Variants in SDR42E2 observed in about 807,000 individuals in gnomAD.
SDR42E2 encodes the protein short chain dehydrogenase/reductase family 42E, member 2.
SDR42E2 carries 20 observed loss-of-function variants against 10.5 expected under a neutral mutation model. That is an observed-to-expected ratio of 1.90 (90% CI 1.34 to 2.77). The LOEUF is 2.77. SDR42E2 is among the 30% of genes most tolerant of loss of function. SDR42E2 has a pLI of 0.00. For missense variants in SDR42E2, 162 were observed against 104.2 expected (o/e 1.55, Z -2.42); for synonymous variants, 72 against 39.2 (o/e 1.84, Z -3.12).
At chr16:22,164,321 G>T (rs1010771475) in intron 1 of SDR42E2, among the ~76,000 whole-genome samples, 1 of 152,176 alleles carries the variant, frequency 6.6e-6, no homozygotes, top group African/African-American at 2.4e-5. Flanking sequence ...CACTTTGGGA[G>T]GCTGAGGTGG....
At position 22,170,943 on chromosome 16, in the gene SDR42E2, T is replaced by A; in HGVS notation, c.505T>A (p.Leu169Met). 1 of 703,012 alleles carries A rather than the reference T, an allele frequency of 1.4e-6. No individual in the cohort carries two copies. The highest frequency in any genetic ancestry group is 1.5e-5 in the South Asian group (1 of 67,604). 43.5% of individuals were successfully genotyped at this position (703,012 alleles called of 1,614,324 possible). A position where few individuals can be genotyped will look rare whatever the true frequency, so the allele number is the denominator to read the frequency against. The change falls in exon 6 of 13, where the codon TTG becomes ATG. Residue 169 changes from leucine to methionine, a missense_variant. Coordinates refer to ENST00000602312, the MANE Select transcript of SDR42E2 (RefSeq NM_001394319.2). Reference sequence around the variant, plus strand: ...TGAGGACTCTGTGCCATATTTCCCATTGGACGAGGTACCTGTCTTCCGGGA... The same window carrying A: ...TGAGGACTCTGTGCCATATTTCCCAATGGACGAGGTACCTGTCTTCCGGGA... ...GDEDSVPYFPLDEHVDHYSRT... is the reference protein window; with the variant it reads ...GDEDSVPYFPMDEHVDHYSRT...
chr16:22,185,182 G>A (rs1411738860), intron 11 of SDR42E2, among the ~76,000 whole-genome samples: 1 of 152,092 alleles, frequency 6.6e-6, no homozygotes, highest in East Asian at 1.9e-4. Context: ...CCTCCCAGCT[G>A]GAAGGCAGAG....
chr16:22,180,666 A>C (rs1443900954), intron 8 of SDR42E2, among the ~76,000 whole-genome samples: 1 of 152,102 alleles, frequency 6.6e-6, no homozygotes, highest in Non-Finnish European at 1.5e-5. Context: ...ACTGAACTCT[A>C]GTGTGGGCAA....
chr16:22,190,175 G>A lies in SDR42E2; in HGVS notation c.1051G>A (p.Ala351Thr). ...GGCCGTGACGCACACCTTCCAGATA[G>A]CCAAGGCCCGCGCCCAGCTCGGCTA... is the stretch of plus-strand genomic sequence containing the variant. ...SVAVTHTFQI[A>T]KARAQLGYAP... Residue 351 changes from alanine to threonine, a missense_variant, in exon 13 of 13, where the codon GCC (alanine) becomes ACC (threonine). Coordinates refer to ENST00000602312, the MANE Select transcript of SDR42E2 (RefSeq NM_001394319.2). 2 of 401,142 alleles carry A rather than the reference G, an allele frequency of 5.0e-6. No homozygotes were observed. The highest frequency in any genetic ancestry group is 4.4e-6 in the Non-Finnish European group (1 of 226,168). The allele number at this position is 401,142 out of a possible 1,614,324, so 24.8% of individuals were successfully genotyped here. A position where few individuals can be genotyped will look rare whatever the true frequency, so the allele number is the denominator to read the frequency against.
At chr16:22,185,922 T>G (rs2046733440) in intron 11 of SDR42E2, among the ~76,000 whole-genome samples, 1 of 152,018 alleles carries the variant, frequency 6.6e-6, no homozygotes, top group Non-Finnish European at 1.5e-5. Context: ...CAAAAATTTT[T>G]TAGAGATGAG....
At chr16:22,177,251 C>T (rs2046651980) in intron 7 of SDR42E2, among the ~76,000 whole-genome samples, 1 of 152,136 alleles carries the variant, frequency 6.6e-6, no homozygotes, top group South Asian at 2.1e-4. Context: ...TCTGAGAGTC[C>T]TTGTCTCTTA....
At chr16:22,185,114 C>G (rs372965584) in intron 11 of SDR42E2, among the ~76,000 whole-genome samples, 2 of 152,164 alleles carry the variant, frequency 1.3e-5, no homozygotes, top group Admixed American at 6.5e-5. Flanking sequence ...CCTCCACCCC[C>G]GACAATGCGT....
intron 8 of SDR42E2, among the ~76,000 whole-genome samples, chr16:22,180,821 A>AAC (rs1199087857): frequency 6.6e-6 from 1 of 152,228 alleles, no homozygotes; most frequent in Non-Finnish European, 1.5e-5. Context: ...AGCCTGGCCA[A>AAC]CATGGTGAAA....
At chr16:22,177,326 T>C (rs1357987475) in intron 7 of SDR42E2, among the ~76,000 whole-genome samples, 1 of 151,980 alleles carries the variant, frequency 6.6e-6, no homozygotes, top group Non-Finnish European at 1.5e-5. Flanking sequence ...CAACTGCTGA[T>C]TAGAAAAAGG....
At chr16:22,172,820 G>A (rs1391268833) in intron 7 of SDR42E2, among the ~76,000 whole-genome samples, 1 of 152,184 alleles carries the variant, frequency 6.6e-6, no homozygotes, top group Non-Finnish European at 1.5e-5. Flanking sequence ...TTGCTCTGTT[G>A]CCCAGGCTGG....
intron 7 of SDR42E2, among the ~76,000 whole-genome samples, chr16:22,174,198 C>T (rs1292382863): frequency 2.0e-5 from 3 of 151,740 alleles, no homozygotes; most frequent in Non-Finnish European, 2.9e-5. Context: ...CTGGGCATGG[C>T]AATGCGTCCC....
intron 6 of SDR42E2, among the ~76,000 whole-genome samples, chr16:22,171,252 G>C (rs545268463): frequency 2.6e-4 from 39 of 151,530 alleles, no homozygotes; most frequent in African/African-American, 6.3e-4. Context: ...CTTTTCTTTT[G>C]TTTTTTTGAG....
In SDR42E2 at chr16:22,163,368, G is replaced by C. The variant is rs75639799; in HGVS notation, c.-37+804G>C. Among the ~76,000 whole-genome samples the C allele has an allele frequency of 9.7e-3, 1,470 of 152,198 alleles. 26 individuals carry two copies. The highest frequency in any genetic ancestry group is 0.034 in the African/African-American group (1,412 of 41,534). ...CTGCATCCTCTCCTCTCCCTCTCGGGGATTTAGGCCCCTGCTCATGATGGT... is the reference window on the plus strand; with the variant it reads ...CTGCATCCTCTCCTCTCCCTCTCGGCGATTTAGGCCCCTGCTCATGATGGT... On this transcript the variant is annotated intron_variant, in intron 1 of 12. Transcript: ENST00000602312.
At position 22,190,471 on chromosome 16, in the gene SDR42E2, C is replaced by T. The variant is rs1448758920; in HGVS notation, c.*78C>T. ...GCCCGGCTCCCTGGGCTTGTACCAG[C>T]CCCTGCCCCGCCTTCTGGGTTTGAG... On this transcript the variant is annotated 3_prime_UTR_variant, in exon 13 of 13. Coordinates refer to ENST00000602312, the MANE Select transcript of SDR42E2 (RefSeq NM_001394319.2). The T allele has an allele frequency of 2.5e-5, 10 of 400,698 alleles. No homozygotes were observed. Among genetic ancestry groups the T allele is most frequent in the Non-Finnish European group, 4.4e-5 (10 of 226,916 alleles). 24.8% of individuals were successfully genotyped at this position (400,698 alleles called of 1,614,324 possible).
chr16:22,174,829 C>T (rs964910258), intron 7 of SDR42E2, among the ~76,000 whole-genome samples: 6 of 152,120 alleles, frequency 3.9e-5, no homozygotes, highest in Non-Finnish European at 5.9e-5. Flanking sequence ...CGCCTGCCAA[C>T]GTCAGCTGCA....
intron 12 of SDR42E2, among the ~76,000 whole-genome samples, chr16:22,187,651 A>C (rs574862844): frequency 6.6e-6 from 1 of 151,982 alleles, no homozygotes; most frequent in Admixed American, 6.5e-5. Flanking sequence ...AATAGCTGAG[A>C]TTACAGGCAT....
At chr16:22,168,453 AT>A (rs1477383879) in intron 4 of SDR42E2, among the ~76,000 whole-genome samples, 1 of 151,598 alleles carries the variant, frequency 6.6e-6, no homozygotes, top group Admixed American at 6.6e-5. Flanking sequence ...TTTAGTAGAG[AT>A]GGGGTTTTGC....
chr16:22,183,062 T>A (rs1487798028), intron 10 of SDR42E2, among the ~76,000 whole-genome samples: 2 of 152,134 alleles, frequency 1.3e-5, no homozygotes, highest in African/African-American at 4.8e-5. Context: ...GCTGGAGCCC[T>A]TGAGGGGCGC....
At chr16:22,168,777 G>T (rs772869272) in intron 4 of SDR42E2, among the ~76,000 whole-genome samples, 1 of 152,054 alleles carries the variant, frequency 6.6e-6, no homozygotes, top group Non-Finnish European at 1.5e-5. Flanking sequence ...GGAGGCTGAG[G>T]CAGGAGAATC....
Sources: allele counts gnomAD v4.1 joint callset (sites outside exome capture counted in the v4.1 genomes callset), GRCh38; gene constraint gnomAD v4.1.1; transcripts MANE v1.5; gene names NCBI Gene and HGNC (gene_info 2026-07-23, HGNC 2026-07-21).